Variants in WDFY1 observed in about 807,000 individuals in gnomAD.
WDFY1 encodes WD repeat and FYVE domain containing 1, also known as WD repeat and FYVE domain-containing protein 1.
WDFY1 carries 32 observed loss-of-function variants against 56.4 expected under a neutral mutation model. The ratio of observed to expected loss-of-function variants is 0.57; its 90% CI spans 0.43 to 0.76. The LOEUF (loss-of-function observed/expected upper bound fraction) is 0.76, where lower values mean the gene tolerates loss of function less well. Ranked by LOEUF, WDFY1 falls within the 30% of genes least tolerant of loss-of-function variation. The pLI is 0.00. For missense variants in WDFY1, 480 were observed against 545.7 expected, an observed-to-expected ratio of 0.88 and a Z score of 1.20; for synonymous variants, 192 against 197.3, an observed-to-expected ratio of 0.97 and a Z score of 0.23.
In WDFY1 at chr2:223,875,674, CA is replaced by C. The variant is rs1324884525; in HGVS notation, c.*2996del. The C allele has an allele frequency of 1.3e-5, 2 of 152,188 alleles. No homozygotes were observed. The highest frequency in any genetic ancestry group is 2.4e-5 in the African/African-American group (1 of 41,446). 9.4% of individuals were successfully genotyped at this position (152,188 alleles called of 1,614,324 possible). ...AATAGGCATTCAATAAATCTGCTCA[CA>C]ATTAACAATTAAGCAATAGACACTT... On this transcript the variant is annotated 3_prime_UTR_variant, in exon 12 of 12. Transcript: ENST00000233055.
In WDFY1 at chr2:223,945,163, G is replaced by T; in HGVS notation, c.122C>A (p.Thr41Lys). 1 of 1,595,894 alleles carries T rather than the reference G, an allele frequency of 6.3e-7. No homozygotes were observed. Among genetic ancestry groups the T allele is most frequent in the African/African-American group, 1.4e-5 (1 of 72,694 alleles). The stretch of plus-strand genomic sequence containing the variant: ...CGGGCCCTACCTGTCCTCGCTGGCC[G>T]TGATCACGCCGTCCTCCTTGGGGAT... Reference protein sequence around the residue: ...LLIPKEDGVITASEDRTIRVW... With the variant: ...LLIPKEDGVIKASEDRTIRVW... Residue 41 changes from threonine (T) to lysine (K), a missense_variant, in exon 1 of 12, where the codon ACG (threonine) becomes AAG (lysine). Thr to Lys is a moderately conservative substitution (Grantham distance 78). Coordinates refer to ENST00000233055, the MANE Select transcript of WDFY1 (RefSeq NM_020830.5).
intron 8 of WDFY1, 77 bp from the exon 9 acceptor site, chr2:223,884,826 C>G (rs1693143721): frequency 8.0e-7 from 1 of 1,245,096 alleles, no homozygotes; most frequent in Admixed American, 1.9e-5. Flanking sequence ...TACAACAGTT[C>G]TAGACCTTGC....
chr2:223,912,849 C>T (rs189530345), intron 2 of WDFY1, among the ~76,000 whole-genome samples: 1 of 152,214 alleles, frequency 6.6e-6, no homozygotes, highest in Non-Finnish European at 1.5e-5. Context: ...TCTACCCTAC[C>T]CTCTTCCAGA....
intron 8 of WDFY1, among the ~76,000 whole-genome samples, chr2:223,885,240 G>A (rs1267166940): frequency 6.6e-6 from 1 of 151,484 alleles, no homozygotes; most frequent in Non-Finnish European, 1.5e-5. Context: ...ACTCAGGCTC[G>A]AGTGCAGTGT....
chr2:223,891,677 T>A (rs757011894), intron 8 of WDFY1, among the ~76,000 whole-genome samples: 1 of 152,136 alleles, frequency 6.6e-6, no homozygotes, highest in Non-Finnish European at 1.5e-5. Flanking sequence ...ACTTTCTAAG[T>A]ACTTTTTCTA....
chr2:223,918,439 TA>T (rs1243702018), intron 1 of WDFY1, among the ~76,000 whole-genome samples: 2 of 151,966 alleles, frequency 1.3e-5, no homozygotes, highest in Non-Finnish European at 2.9e-5. Context: ...CCATCTTGGC[TA>T]ACATGATGAA....
chr2:223,901,537 C>A (rs1693508171), intron 4 of WDFY1, among the ~76,000 whole-genome samples: 1 of 152,188 alleles, frequency 6.6e-6, no homozygotes, highest in Non-Finnish European at 1.5e-5. Flanking sequence ...CAAGGCGGTG[C>A]CCTCTGCTCC....
chr2:223,913,859 T>C (rs1559170603), intron 2 of WDFY1, among the ~76,000 whole-genome samples: 1 of 152,108 alleles, frequency 6.6e-6, no homozygotes, highest in Non-Finnish European at 1.5e-5. Flanking sequence ...TTAGTTTGTT[T>C]TGTATTATAT....
intron 9 of WDFY1, among the ~76,000 whole-genome samples, chr2:223,883,652 AATTT>A (rs1225247430): frequency 4.6e-5 from 7 of 151,852 alleles, no homozygotes; most frequent in Non-Finnish European, 1.0e-4. Flanking sequence ...TTTATTAATT[AATTT>A]ATTTTTTGAG....
intron 3 of WDFY1, among the ~76,000 whole-genome samples, chr2:223,907,077 C>T (rs1574768826): frequency 2.0e-5 from 3 of 151,940 alleles, no homozygotes; most frequent in South Asian, 2.1e-4. Context: ...TGGGTTCAAG[C>T]GATTCTTGTG....
At position 223,941,976 on chromosome 2, in the gene WDFY1, GA is replaced by G. The variant is rs1048630173; in HGVS notation, c.137+3171del. On this transcript the variant is annotated intron_variant, in intron 1 of 11. Coordinates refer to ENST00000233055, the MANE Select transcript of WDFY1 (RefSeq NM_020830.5). ...AAGTTGCAAGAGCCTGAACACAACAGAAACCTCAAACGCCAACCCCATCCTG... is the reference window on the plus strand; with the variant it reads ...AAGTTGCAAGAGCCTGAACACAACAGAACCTCAAACGCCAACCCCATCCTG... Among the ~76,000 whole-genome samples, 11 of 152,242 alleles carry G rather than the reference GA, an allele frequency of 7.2e-5. No homozygotes were observed. The South Asian group carries it at 2.1e-3, about 29-fold the overall frequency.
At chr2:223,880,044 G>A in intron 11 of WDFY1, 80 bp downstream of exon 11, 2 of 1,213,156 alleles carry the variant, frequency 1.6e-6, no homozygotes, top group East Asian at 2.4e-5. Context: ...CAGTCAGAAA[G>A]AGTGACTGTC....
intron 1 of WDFY1, among the ~76,000 whole-genome samples, chr2:223,934,577 A>G (rs1362506656): frequency 6.6e-6 from 1 of 152,036 alleles, no homozygotes; most frequent in Non-Finnish European, 1.5e-5. Context: ...CTGGAGTGCA[A>G]TGGTACTATC....
Position 223,878,608 on chromosome 2 carries a change from G to GT in WDFY1, c.*62dup. On this transcript the variant is annotated 3_prime_UTR_variant, in exon 12 of 12. Transcript: ENST00000233055. ...TCACGAGACAGCGCTGTGGAGCTGC[G>GT]TGAGAGGGACTTCATTTGGTGGAGC... 3.1e-6 allele frequency: 4 copies of GT among 1,283,642 alleles called. No individual in the cohort carries two copies. Among genetic ancestry groups the GT allele is most frequent in the Non-Finnish European group, 4.5e-6 (4 of 882,936 alleles). The allele number at this position is 1,283,642 out of a possible 1,614,324, so 79.5% of individuals were successfully genotyped here.
At chr2:223,884,856 C>CTTA in intron 8 of WDFY1, 107 bp from the exon 9 acceptor site, 69 of 716,662 alleles carry the variant, frequency 9.6e-5, no homozygotes, top group Non-Finnish European at 1.3e-4. Flanking sequence ...TATTTCTTTT[C>CTTA]TTCTTTTTTT....
At chr2:223,926,688 AACAGAGTC>A (rs1332464997) in intron 1 of WDFY1, among the ~76,000 whole-genome samples, 1 of 149,462 alleles carries the variant, frequency 6.7e-6, no homozygotes, top group Admixed American at 6.7e-5. Flanking sequence ...GTATTTTTGA[AACAGAGTC>A]TCACTCCATC....
rs551602628 is a variant in WDFY1 at position 223,893,644 on chromosome 2, C to T, written c.831+590G>A. Among the ~76,000 whole-genome samples the T allele has an allele frequency of 2.2e-4, 33 of 152,190 alleles. No homozygotes were observed. The South Asian group carries it at 6.9e-3, about 32-fold the overall frequency. ...CAATTCCACTTTATGTAGGAGGGAACAGATACTTAGAGAAATTAAGGCACT... is the reference window on the plus strand; with the variant it reads ...CAATTCCACTTTATGTAGGAGGGAATAGATACTTAGAGAAATTAAGGCACT... On this transcript the variant is annotated intron_variant, in intron 8 of 11. Coordinates refer to ENST00000233055, the MANE Select transcript of WDFY1 (RefSeq NM_020830.5).
At chr2:223,942,022 C>T (rs1689313210) in intron 1 of WDFY1, among the ~76,000 whole-genome samples, 1 of 152,132 alleles carries the variant, frequency 6.6e-6, no homozygotes, top group Admixed American at 6.6e-5. Flanking sequence ...TCTACCTGGG[C>T]TCTGCAATAA....
At chr2:223,891,203 C>A (rs1394809201) in intron 8 of WDFY1, among the ~76,000 whole-genome samples, 1 of 151,926 alleles carries the variant, frequency 6.6e-6, no homozygotes, top group Non-Finnish European at 1.5e-5. Context: ...TGGTGAAACC[C>A]TGTCTCTACT....
Sources: allele counts gnomAD v4.1 joint callset (sites outside exome capture counted in the v4.1 genomes callset), GRCh38; gene constraint gnomAD v4.1.1; transcripts MANE v1.5; gene names NCBI Gene and HGNC (gene_info 2026-07-23, HGNC 2026-07-21).